Variants in ALKBH1 observed in about 807,000 individuals in gnomAD.
ALKBH1 encodes nucleic acid dioxygenase ALKBH1.
In ALKBH1, 31 loss-of-function variants were observed where a neutral mutation model predicts 36.6. That is an observed-to-expected ratio of 0.85 (90% CI 0.64 to 1.14). ALKBH1 has a LOEUF of 1.14. ALKBH1 is among the 50% of genes most tolerant of loss of function. The pLI, the probability that ALKBH1 is intolerant of heterozygous loss-of-function variation, is 0.00. For synonymous variants in ALKBH1, 183 were observed against 186.6 expected (o/e 0.98, Z 0.16); for missense variants, 490 against 497.3 (o/e 0.99, Z 0.14).
chr14:77,696,211 G>T (rs968059397), intron 2 of ALKBH1, among the ~76,000 whole-genome samples: 3 of 152,024 alleles, frequency 2.0e-5, no homozygotes, highest in Non-Finnish European at 4.4e-5. Context: ...TGAGATGGGG[G>T]TCTCTCTCAT....
In ALKBH1 at chr14:77,704,368, C is replaced by T. The variant is rs765462796; in HGVS notation, c.292+1G>A. On this transcript the variant is annotated splice_donor_variant, in intron 2 of 5. Coordinates refer to ENST00000216489, the MANE Select transcript of ALKBH1 (RefSeq NM_006020.3). LOFTEE classifies it high-confidence loss of function. Reference sequence around the variant, plus strand: ...CCTTCTCTGAGGTCAGTTACACTCACCAGGATAGCCTTTGAGTCCATAGGC... The same window carrying T: ...CCTTCTCTGAGGTCAGTTACACTCATCAGGATAGCCTTTGAGTCCATAGGC... The T allele has an allele frequency of 5.0e-6, 8 of 1,610,500 alleles. No homozygotes were observed. The highest frequency in any genetic ancestry group is 6.8e-6 in the Non-Finnish European group (8 of 1,176,820).
At position 77,674,060 on chromosome 14, in the gene ALKBH1, G is replaced by A. The variant is rs2139841150; in HGVS notation, c.922C>T (p.Pro308Ser). 1.2e-6 allele frequency: 2 copies of A among 1,614,186 alleles called. No individual in the cohort carries two copies. Among genetic ancestry groups the A allele is most frequent in the East Asian group, 2.2e-5 (1 of 44,880 alleles). The change falls in exon 6 of 6, where the codon CCT becomes TCT. Residue 308 changes from proline to serine, a missense_variant. Pro to Ser is a moderately conservative substitution (Grantham distance 74). Transcript: ENST00000216489. ...TCTCTCGGGAGGACAGCAGGGAGAG[G>A]TGCCTCTAGGCAGTGAGGCAGGCCT... is the stretch of plus-strand genomic sequence containing the variant. ...GEGLPHCLEAPLPAVLPRDSM... is the reference protein window; with the variant it reads ...GEGLPHCLEASLPAVLPRDSM...
chr14:77,688,123 A>G (rs2080278183), intron 3 of ALKBH1, among the ~76,000 whole-genome samples: 1 of 152,226 alleles, frequency 6.6e-6, no homozygotes. Flanking sequence ...ACTGCCATGT[A>G]GAAATCAGTA....
At chr14:77,688,153 TTC>T (rs1258393385) in intron 3 of ALKBH1, among the ~76,000 whole-genome samples, 1 of 152,230 alleles carries the variant, frequency 6.6e-6, no homozygotes, top group Non-Finnish European at 1.5e-5. Flanking sequence ...TAACTTTCTT[TTC>T]TCTCACTTTT....
chr14:77,683,036 G>T (rs1432235029), intron 3 of ALKBH1, among the ~76,000 whole-genome samples: 2 of 151,890 alleles, frequency 1.3e-5, no homozygotes, highest in Non-Finnish European at 2.9e-5. Context: ...GAAAAATATA[G>T]AGATGTAGTC....
chr14:77,682,123 A>T (rs2080241451), intron 3 of ALKBH1, among the ~76,000 whole-genome samples: 1 of 152,180 alleles, frequency 6.6e-6, no homozygotes, highest in Non-Finnish European at 1.5e-5. Context: ...TTTAGGGAAA[A>T]ATATAAGGCT....
intron 3 of ALKBH1, among the ~76,000 whole-genome samples, chr14:77,692,546 A>C (rs2080303058): frequency 6.6e-6 from 1 of 152,168 alleles, no homozygotes; most frequent in Non-Finnish European, 1.5e-5. Context: ...TGCTGATCTG[A>C]CAGGGGGCGA....
chr14:77,698,955 T>C (rs188952752), intron 2 of ALKBH1, among the ~76,000 whole-genome samples: 2 of 152,328 alleles, frequency 1.3e-5, no homozygotes, highest in Non-Finnish European at 2.9e-5. Context: ...TATTTTTTAG[T>C]AGAGACGGCA....
intron 4 of ALKBH1, 134 bp from the exon 5 acceptor site, chr14:77,675,983 C>A: frequency 1.3e-6 from 1 of 761,384 alleles, no homozygotes; most frequent in Non-Finnish European, 2.0e-6. Context: ...CATTATCTAT[C>A]CATTCTTTTC....
intron 4 of ALKBH1, among the ~76,000 whole-genome samples, chr14:77,676,875 C>T (rs2080208995): frequency 6.6e-6 from 1 of 152,228 alleles, no homozygotes; most frequent in South Asian, 2.1e-4. Flanking sequence ...GATGGGATGA[C>T]ATGCTCAAAA....
At position 77,678,087 on chromosome 14, in the gene ALKBH1, C is replaced by CAAAAA. The variant is rs11440428; in HGVS notation, c.546+1788_546+1792dup. ...ATATCAACAGTAAAAATATTATCAC[C>CAAAAA]AAAAAAAAAAAAAAAAAAAAAAGCT... On this transcript the variant is annotated intron_variant, in intron 4 of 5. Coordinates refer to ENST00000216489, the MANE Select transcript of ALKBH1 (RefSeq NM_006020.3). 2.5e-3 allele frequency among the ~76,000 whole-genome samples: 138 copies of CAAAAA among 54,892 alleles called. 2 individuals are homozygous for CAAAAA. Among genetic ancestry groups the CAAAAA allele is most frequent in the Middle Eastern group, 0.03 (2 of 66 alleles). 36.0% of individuals were successfully genotyped at this position (54,892 alleles called of 152,430 possible).
intron 2 of ALKBH1, among the ~76,000 whole-genome samples, chr14:77,702,902 C>A (rs2080367232): frequency 6.6e-6 from 1 of 152,074 alleles, no homozygotes; most frequent in Non-Finnish European, 1.5e-5. Flanking sequence ...CGCCTGTAAT[C>A]CTAGCACTCT....
intron 2 of ALKBH1, among the ~76,000 whole-genome samples, chr14:77,700,520 A>G (rs185057000): frequency 4.3e-4 from 65 of 152,270 alleles, no homozygotes; most frequent in African/African-American, 1.5e-3. Context: ...ATACATTTGG[A>G]TTTTATGTTT....
In ALKBH1 at chr14:77,675,861, G is replaced by A. The variant is rs769876266; in HGVS notation, c.547-12C>T. On this transcript the variant is annotated splice_polypyrimidine_tract_variant and intron_variant, in intron 4 of 5. Transcript: ENST00000216489. ...TCTGCTGAGTATTTCTTTGGTAAATGTAGAGAGAATAAGAAAAATAAACAA... is the reference window on the plus strand; with the variant it reads ...TCTGCTGAGTATTTCTTTGGTAAATATAGAGAGAATAAGAAAAATAAACAA... 4.4e-6 allele frequency: 7 copies of A among 1,599,282 alleles called. No homozygotes were observed. Among genetic ancestry groups the A allele is most frequent in the South Asian group, 1.1e-5 (1 of 90,750 alleles).
chr14:77,694,722 G>C lies in ALKBH1; in HGVS notation c.455+16C>G. The C allele has an allele frequency of 6.4e-7, 1 of 1,566,974 alleles. No homozygotes were observed. The highest frequency in any genetic ancestry group is 8.6e-7 in the Non-Finnish European group (1 of 1,159,322). On this transcript the variant is annotated intron_variant, in intron 3 of 5. Transcript: ENST00000216489. Reference sequence around the variant, plus strand: ...GAGCTGAGTATTAACACTTCATTCTGATTGACAAGACTTACCTCAGGAACT... The same window carrying C: ...GAGCTGAGTATTAACACTTCATTCTCATTGACAAGACTTACCTCAGGAACT...
At chr14:77,693,714 T>C (rs1435207107) in intron 3 of ALKBH1, among the ~76,000 whole-genome samples, 2 of 152,110 alleles carry the variant, frequency 1.3e-5, no homozygotes, top group African/African-American at 4.8e-5. Context: ...CAGGCCGGGC[T>C]TGGTGGCTCA....
At chr14:77,686,686 T>A (rs900760621) in intron 3 of ALKBH1, among the ~76,000 whole-genome samples, 2 of 152,160 alleles carry the variant, frequency 1.3e-5, no homozygotes, top group Admixed American at 1.3e-4. Context: ...TGCAGTGGCG[T>A]GATCTCGGCT....
chr14:77,679,990 A>G lies in ALKBH1; in HGVS notation c.456-20T>C. The stretch of plus-strand genomic sequence containing the variant: ...TTATACCTGCAAAGATTGGTGACAA[A>G]AGAGGAATTATTCATGTAAAATGGC... On this transcript the variant is annotated intron_variant, in intron 3 of 5. Coordinates refer to ENST00000216489, the MANE Select transcript of ALKBH1 (RefSeq NM_006020.3). The G allele has an allele frequency of 6.3e-7, 1 of 1,594,106 alleles. No individual in the cohort carries two copies. Among genetic ancestry groups the G allele is most frequent in the Non-Finnish European group, 8.6e-7 (1 of 1,161,790 alleles).
Position 77,675,647 on chromosome 14 carries a change from C to G in ALKBH1, c.740+9G>C. On this transcript the variant is annotated intron_variant, in intron 5 of 5. Coordinates refer to ENST00000216489, the MANE Select transcript of ALKBH1 (RefSeq NM_006020.3). ...AAAAAGTAATCCCAAATCCCTGGAA[C>G]TAACTCACCTGAATGACAGCAAGGG... 1 of 1,586,908 alleles carries G rather than the reference C, an allele frequency of 6.3e-7. No individual in the cohort carries two copies. Among genetic ancestry groups the G allele is most frequent in the Non-Finnish European group, 8.6e-7 (1 of 1,160,372 alleles).
Sources: allele counts gnomAD v4.1 joint callset (sites outside exome capture counted in the v4.1 genomes callset), GRCh38; gene constraint gnomAD v4.1.1; transcripts MANE v1.5; gene names NCBI Gene and HGNC (gene_info 2026-07-23, HGNC 2026-07-21).